Variants in TXNRD3 observed in about 807,000 individuals in gnomAD.
TXNRD3 encodes the protein TXNRD3 neighbor gene protein.
A neutral mutation model predicts 78.2 loss-of-function variants in TXNRD3; 68 were observed. The observed-to-expected ratio is 0.87, with a 90% CI of 0.72 to 1.06. TXNRD3 has a LOEUF of 1.06. Ranked by LOEUF, TXNRD3 falls within the 50% of genes least tolerant of loss-of-function variation. The pLI is 0.00. For missense variants in TXNRD3, 751 were observed against 809.5 expected (o/e 0.93, Z 0.88); for synonymous variants, 296 against 300.1 (o/e 0.99, Z 0.14).
chr3:126,634,559 C>T (rs1479336564), intron 6 of TXNRD3, among the ~76,000 whole-genome samples: 2 of 152,192 alleles, frequency 1.3e-5, no homozygotes, highest in Non-Finnish European at 2.9e-5. Context: ...GGTTCACGCT[C>T]ACCACTGCCA....
chr3:126,621,272 T>C (rs768565350), intron 12 of TXNRD3, among the ~76,000 whole-genome samples: 4 of 152,350 alleles, frequency 2.6e-5, no homozygotes, highest in Admixed American at 1.3e-4. Flanking sequence ...AACCTGACCA[T>C]GTTTACAGGC....
At chr3:126,610,916 C>G in intron 14 of TXNRD3, 121 bp downstream of exon 14, 1 of 548,510 alleles carries the variant, frequency 1.8e-6, no homozygotes, top group South Asian at 2.9e-5. Context: ...GAGTTGGAGA[C>G]CAGCCTGAGC....
At chr3:126,636,210 C>T (rs1168558979) in intron 6 of TXNRD3, among the ~76,000 whole-genome samples, 1 of 152,210 alleles carries the variant, frequency 6.6e-6, no homozygotes, top group Non-Finnish European at 1.5e-5. Context: ...AAGCAATCAA[C>T]TTAACTCATT....
chr3:126,629,360 T>C lies in TXNRD3; in HGVS notation c.1290+19A>G. 4 of 1,482,296 alleles carry C rather than the reference T, an allele frequency of 2.7e-6. No individual in the cohort carries two copies. Among genetic ancestry groups the C allele is most frequent in the African/African-American group, 2.8e-5 (2 of 71,742 alleles). 91.8% of individuals were successfully genotyped at this position (1,482,296 alleles called of 1,614,324 possible). ...AGGAGTGTGTTCAATAACTTAGTAATGATAAAATAAAAACTCACTGTGTTA... is the reference window on the plus strand; with the variant it reads ...AGGAGTGTGTTCAATAACTTAGTAACGATAAAATAAAAACTCACTGTGTTA... On this transcript the variant is annotated intron_variant, in intron 10 of 15. Coordinates refer to ENST00000524230, the MANE Select transcript of TXNRD3 (RefSeq NM_052883.3).
At chr3:126,622,219 A>G (rs1938474391) in intron 11 of TXNRD3, among the ~76,000 whole-genome samples, 1 of 152,248 alleles carries the variant, frequency 6.6e-6, no homozygotes, top group Admixed American at 6.5e-5. Flanking sequence ...AGTCACAGAC[A>G]TTAGGTAAAT....
chr3:126,616,237 A>G (rs1275914968), intron 12 of TXNRD3, among the ~76,000 whole-genome samples: 1 of 152,206 alleles, frequency 6.6e-6, no homozygotes, highest in African/African-American at 2.4e-5. Flanking sequence ...GTGCATGGAG[A>G]GAAAGCTGTG....
At chr3:126,625,237 G>A (rs1245444535) in intron 10 of TXNRD3, 1 of 150,372 alleles carries the variant, frequency 6.7e-6, no homozygotes, top group East Asian at 2.0e-4. Flanking sequence ...CATGTGCCAT[G>A]TTGGTGTGCT....
rs1002514816 is a variant in TXNRD3 at position 126,626,039 on chromosome 3, T to C, written c.1290+3340A>G. 3 of 152,428 alleles carry C rather than the reference T, an allele frequency of 2.0e-5. 1 individual carries two copies. 9.4% of individuals were successfully genotyped at this position (152,428 alleles called of 1,614,324 possible). A position where few individuals can be genotyped will look rare whatever the true frequency, so the allele number is the denominator to read the frequency against. On this transcript the variant is annotated intron_variant, in intron 10 of 15. Transcript: ENST00000524230. ...GAAAAGGAATCAACGGACAGTGAAA[T>C]GGACCTAATTCAGTTTTCTTTTCAA...
intron 6 of TXNRD3, among the ~76,000 whole-genome samples, chr3:126,634,542 C>T (rs1429388523): frequency 9.2e-5 from 14 of 152,186 alleles, no homozygotes; most frequent in Non-Finnish European, 7.3e-5. Flanking sequence ...GTCTTTACAA[C>T]AAATATGGTT....
At chr3:126,618,289 G>C (rs1185535174) in intron 12 of TXNRD3, among the ~76,000 whole-genome samples, 1 of 152,118 alleles carries the variant, frequency 6.6e-6, no homozygotes, top group Non-Finnish European at 1.5e-5. Flanking sequence ...AAAGAATCAA[G>C]CTGGAGGCAT....
At chr3:126,611,606 A>C (rs891242518) in intron 13 of TXNRD3, among the ~76,000 whole-genome samples, 4 of 152,194 alleles carry the variant, frequency 2.6e-5, no homozygotes, top group Non-Finnish European at 5.9e-5. Flanking sequence ...CATGTCTCTC[A>C]CATTTCTGTC....
intron 7 of TXNRD3, among the ~76,000 whole-genome samples, chr3:126,632,533 G>T (rs1160630502): frequency 6.6e-6 from 1 of 151,708 alleles, no homozygotes; most frequent in East Asian, 1.9e-4. Flanking sequence ...GGTGGTATAT[G>T]CCTGCAATCC....
chr3:126,617,000 C>G (rs1403520919), intron 12 of TXNRD3, among the ~76,000 whole-genome samples: 1 of 152,280 alleles, frequency 6.6e-6, no homozygotes, highest in African/African-American at 2.4e-5. Flanking sequence ...TCACATGTTG[C>G]CGATCCATTT....
rs772125318 is a variant in TXNRD3, at chr3:126,608,646, A to G, written c.1729-13T>C. 2.9e-5 allele frequency: 45 copies of G among 1,530,782 alleles called. No individual in the cohort carries two copies. In the African/African-American group the frequency reaches 5.5e-4, roughly 19 times the overall value. The allele number at this position is 1,530,782 out of a possible 1,614,324, so 94.8% of individuals were successfully genotyped here. On this transcript the variant is annotated splice_polypyrimidine_tract_variant and intron_variant, in intron 14 of 15. Coordinates refer to ENST00000524230, the MANE Select transcript of TXNRD3 (RefSeq NM_052883.3). ...CTATCACCCGATCCTTTAATACAGA[A>G]ACAAAACAAAGAGAATCCCAGTAGG... is the stretch of plus-strand genomic sequence containing the variant.
In TXNRD3 at chr3:126,644,048, A is replaced by C; in HGVS notation, c.525T>G (p.Ala175=). The C allele has an allele frequency of 6.5e-7, 1 of 1,536,044 alleles. No individual in the cohort carries two copies. Among genetic ancestry groups the C allele is most frequent in the Non-Finnish European group, 8.7e-7 (1 of 1,146,892 alleles). The stretch of plus-strand genomic sequence containing the variant: ...CCATAACTTTCTTTCCCAAAATGGC[A>C]GCTTCCTACAAACGAACAACAACAA... The change falls in exon 5 of 16, where the codon GCT becomes GCG. Residue 175 remains alanine (A), a synonymous_variant. Transcript: ENST00000524230.
At position 126,607,762 on chromosome 3, in the gene TXNRD3, C is replaced by CTCA; in HGVS notation, c.*140_*142dup. The CTCA allele has an allele frequency of 2.1e-6, 1 of 481,688 alleles. No individual in the cohort carries two copies. The highest frequency in any genetic ancestry group is 3.4e-6 in the Non-Finnish European group (1 of 296,250). The allele number at this position is 481,688 out of a possible 1,614,324, so 29.8% of individuals were successfully genotyped here. On this transcript the variant is annotated 3_prime_UTR_variant, in exon 16 of 16. Coordinates refer to ENST00000524230, the MANE Select transcript of TXNRD3 (RefSeq NM_052883.3). ...GCTGTCCTCTTTCCTTGTCTACTTTCTCATCTAAGTGTCGTAAGACAGCCC... is the reference window on the plus strand; with the variant it reads ...GCTGTCCTCTTTCCTTGTCTACTTTCTCATCATCTAAGTGTCGTAAGACAGCCC...
In TXNRD3 at chr3:126,608,640, T is replaced by C. The variant is rs1441987041; in HGVS notation, c.1729-7A>G. 10 of 1,532,156 alleles carry C rather than the reference T, an allele frequency of 6.5e-6. No homozygotes were observed. Among genetic ancestry groups the C allele is most frequent in the African/African-American group, 4.1e-5 (3 of 72,810 alleles). 94.9% of individuals were successfully genotyped at this position (1,532,156 alleles called of 1,614,324 possible). On this transcript the variant is annotated splice_polypyrimidine_tract_variant and splice_region_variant and intron_variant, in intron 14 of 15. Coordinates refer to ENST00000524230, the MANE Select transcript of TXNRD3 (RefSeq NM_052883.3). Reference sequence around the variant, plus strand: ...GAAATCCTATCACCCGATCCTTTAATACAGAAACAAAACAAAGAGAATCCC... The same window carrying C: ...GAAATCCTATCACCCGATCCTTTAACACAGAAACAAAACAAAGAGAATCCC...
Position 126,639,967 on chromosome 3 carries a change from T to C in TXNRD3, c.712+2065A>G, listed in dbSNP as rs142864316. The stretch of plus-strand genomic sequence containing the variant: ...CCAAGTCAGGAGGCCTCATTTTATC[T>C]ACAACCAGCTGATCCTAGCTTGACC... On this transcript the variant is annotated intron_variant, in intron 6 of 15. Transcript: ENST00000524230. Among the ~76,000 whole-genome samples, 136 of 152,256 alleles carry C rather than the reference T, an allele frequency of 8.9e-4. 2 individuals are homozygous for C. The East Asian group carries it at 0.022, about 24-fold the overall frequency.
intron 7 of TXNRD3, among the ~76,000 whole-genome samples, chr3:126,633,582 A>T (rs1938776737): frequency 6.6e-6 from 1 of 152,232 alleles, no homozygotes; most frequent in Non-Finnish European, 1.5e-5. Flanking sequence ...ATTTTTAGGA[A>T]GGATTCCACT....
Sources: allele counts gnomAD v4.1 joint callset (sites outside exome capture counted in the v4.1 genomes callset), GRCh38; gene constraint gnomAD v4.1.1; transcripts MANE v1.5; gene names NCBI Gene and HGNC (gene_info 2026-07-23, HGNC 2026-07-21).